TIMELESS: variants seen among roughly 807,000 people sequenced by gnomAD.
TIMELESS encodes timeless circadian regulator.
A neutral mutation model predicts 164.3 loss-of-function variants in TIMELESS; 124 were observed. The observed-to-expected ratio is 0.75, with a 90% CI of 0.65 to 0.88. TIMELESS has a LOEUF of 0.88. Among genes scored for constraint, TIMELESS ranks in the 40% least tolerant of loss-of-function variants. TIMELESS has a pLI of 0.00. For synonymous variants in TIMELESS, 564 were observed against 563.4 expected, an observed-to-expected ratio of 1.00 and a Z score of -0.02; for missense variants, 1,422 against 1,491.4, an observed-to-expected ratio of 0.95 and a Z score of 0.77.
intron 1 of TIMELESS, among the ~76,000 whole-genome samples, chr12:56,444,698 C>T (rs1311460436): frequency 6.6e-6 from 1 of 151,964 alleles, no homozygotes; most frequent in African/African-American, 2.4e-5. Flanking sequence ...AGGCATGTGC[C>T]CCCACACCTG....
chr12:56,420,368 G>C (rs1881425829), intron 26 of TIMELESS, among the ~76,000 whole-genome samples: 1 of 151,994 alleles, frequency 6.6e-6, no homozygotes, highest in Non-Finnish European at 1.5e-5. Context: ...ATGGATCTAG[G>C]GGAAGGGGAG....
At chr12:56,447,351 C>T (rs928636688) in intron 1 of TIMELESS, among the ~76,000 whole-genome samples, 2 of 152,098 alleles carry the variant, frequency 1.3e-5, no homozygotes, top group African/African-American at 4.8e-5. Context: ...TGCACGAAAA[C>T]GTAAACTCTT....
intron 1 of TIMELESS, among the ~76,000 whole-genome samples, chr12:56,434,766 C>A (rs952927368): frequency 1.3e-5 from 2 of 151,168 alleles, no homozygotes; most frequent in African/African-American, 4.8e-5. Context: ...AATTGTTAGA[C>A]CCTGGCTGGG....
chr12:56,437,092 G>T (rs1039438757), intron 1 of TIMELESS, among the ~76,000 whole-genome samples: 1 of 152,044 alleles, frequency 6.6e-6, no homozygotes, highest in Non-Finnish European at 1.5e-5. Flanking sequence ...ACCATACCAG[G>T]CTAACTTTGT....
intron 1 of TIMELESS, among the ~76,000 whole-genome samples, chr12:56,438,921 T>C (rs11829345): frequency 0.033 from 5,022 of 151,918 alleles, 274 homozygotes; most frequent in African/African-American, 0.11. Flanking sequence ...CCCAGCACTT[T>C]TGGAGGCCAA....
rs113128353 is a variant in TIMELESS, at chr12:56,425,114, G to C, written c.1617C>G (p.Val539=). 1 of 1,614,018 alleles carries C rather than the reference G, an allele frequency of 6.2e-7. No homozygotes were observed. The highest frequency in any genetic ancestry group is 2.2e-5 in the East Asian group (1 of 44,884). The change falls in exon 14 of 29, where the codon GTC becomes GTG. Residue 539 remains valine (V), a synonymous_variant. Transcript: ENST00000553532. ...TACCAGAAACAATGGCCTGGTCTAG[G>C]ACCTTCTTCTTCTTCTTCCTTCTCT... The part of the protein sequence containing the change: ...QKKRRKKKKK[V]LDQAIVSGNV...
rs373171864 is a variant in TIMELESS at position 56,423,574 on chromosome 12, C to T, written c.2090+10G>A. 1.1e-5 allele frequency: 17 copies of T among 1,613,904 alleles called. No homozygotes were observed. In the East Asian group the frequency reaches 3.3e-4, roughly 32 times the overall value. On this transcript the variant is annotated intron_variant, in intron 17 of 28. Transcript: ENST00000553532. ...CACTCTAGGACCAACTCAGGCCTCT[C>T]AGCCCGCACCGTTTCAGGTAGTCCA...
At chr12:56,430,834 G>C in intron 9 of TIMELESS, 47 bp downstream of exon 9, 1 of 1,307,410 alleles carries the variant, frequency 7.6e-7, no homozygotes, top group Non-Finnish European at 1.1e-6. Flanking sequence ...CCCTGCTTAA[G>C]CTATGCAACT....
intron 8 of TIMELESS, among the ~76,000 whole-genome samples, chr12:56,431,227 G>A (rs866901511): frequency 5.9e-5 from 9 of 152,042 alleles, no homozygotes; most frequent in Admixed American, 3.3e-4. Context: ...GGTGGCATGC[G>A]CCTGTAGTCC....
rs1427241329 is a variant in TIMELESS, at chr12:56,420,793, A to C, written c.3109+20T>G. On this transcript the variant is annotated intron_variant, in intron 25 of 28. Transcript: ENST00000553532. ...TAGCCTCCAGGGCTCTTCTCCTAAA[A>C]GTGTCACCTGTCCACTCACCATCCT... is the stretch of plus-strand genomic sequence containing the variant. 1.2e-6 allele frequency: 2 copies of C among 1,614,140 alleles called. No homozygotes were observed. The highest frequency in any genetic ancestry group is 3.3e-5 in the Admixed American group (2 of 60,014).
Position 56,428,217 on chromosome 12 carries a change from T to C in TIMELESS, c.1578+19A>G, listed in dbSNP as rs373074453. On this transcript the variant is annotated intron_variant, in intron 13 of 28. Transcript: ENST00000553532. ...ACTCTCCCTTACAGCTCTTTCTACA[T>C]TGTGGGGCTGCCCAGTACCTGCACC... 62 of 1,567,846 alleles carry C rather than the reference T, an allele frequency of 4.0e-5. No homozygotes were observed. The highest frequency in any genetic ancestry group is 4.9e-5 in the Non-Finnish European group (57 of 1,154,704).
intron 1 of TIMELESS, among the ~76,000 whole-genome samples, chr12:56,448,004 G>A (rs957760807): frequency 1.3e-5 from 2 of 152,130 alleles, no homozygotes; most frequent in African/African-American, 4.8e-5. Flanking sequence ...GAGGGTCAGG[G>A]CCAGACTGAG....
In TIMELESS at chr12:56,430,966, T is replaced by C. The variant is rs899606175; in HGVS notation, c.824A>G (p.His275Arg). 6.3e-7 allele frequency: 1 copy of C among 1,576,732 alleles called. No homozygotes were observed. The highest frequency in any genetic ancestry group is 1.7e-4 in the Middle Eastern group (1 of 5,900). Reference protein sequence around the residue: ...KTRALQRGNRHSRFGGSYIVQ... With the variant: ...KTRALQRGNRRSRFGGSYIVQ... ...AATATAGGAGCCCCCAAATCGAGAA[T>C]GCCTGCAGAAACAAAAAGGTCCAAG... Residue 275 changes from histidine (H) to arginine (R), a missense_variant and splice_region_variant, in exon 9 of 29, where the codon CAT becomes CGT. Physicochemically the swap from His to Arg is conservative, Grantham distance 29. Transcript: ENST00000553532.
intron 3 of TIMELESS, 42 bp from the exon 4 acceptor site, chr12:56,433,694 AC>A (rs1204089939): frequency 1.2e-6 from 2 of 1,613,640 alleles, no homozygotes; most frequent in Admixed American, 3.3e-5. Context: ...AAGTTTCTTT[AC>A]CAGCTCAAAC....
At position 56,433,769 on chromosome 12, in the gene TIMELESS, C is replaced by G. The variant is rs1267375471; in HGVS notation, c.251+4G>C. The stretch of plus-strand genomic sequence containing the variant: ...GGCAAAAGTTTAAAAGCTAGGGAGG[C>G]AACCTGATAACAGCATCAAAGAGAG... On this transcript the variant is annotated splice_donor_region_variant and intron_variant, in intron 3 of 28. Coordinates refer to ENST00000553532, the MANE Select transcript of TIMELESS (RefSeq NM_003920.5). The G allele has an allele frequency of 6.2e-7, 1 of 1,613,992 alleles. No individual in the cohort carries two copies. The highest frequency in any genetic ancestry group is 8.5e-7 in the Non-Finnish European group (1 of 1,179,988).
intron 15 of TIMELESS, among the ~76,000 whole-genome samples, chr12:56,424,385 T>C (rs972465084): frequency 7.2e-5 from 11 of 152,228 alleles, no homozygotes; most frequent in African/African-American, 2.7e-4. Flanking sequence ...AAGTCCGCCC[T>C]TAATGTCTTC....
intron 1 of TIMELESS, among the ~76,000 whole-genome samples, chr12:56,444,395 C>T (rs1302932424): frequency 6.6e-6 from 1 of 152,098 alleles, no homozygotes; most frequent in Non-Finnish European, 1.5e-5. Flanking sequence ...TAAAAACATA[C>T]ATATTTCAAA....
intron 15 of TIMELESS, 35 bp from the exon 16 acceptor site, chr12:56,423,929 G>A: frequency 1.3e-6 from 2 of 1,570,606 alleles, no homozygotes; most frequent in African/African-American, 2.7e-5. Context: ...TTTACCCAGG[G>A]GAAATCTGGC....
chr12:56,417,524 G>A lies in TIMELESS; in HGVS notation c.*192C>T, dbSNP rs997525343. 3 of 583,972 alleles carry A rather than the reference G, an allele frequency of 5.1e-6. No individual in the cohort carries two copies. The highest frequency in any genetic ancestry group is 3.7e-5 in the African/African-American group (2 of 53,620). The allele number at this position is 583,972 out of a possible 1,614,324, so 36.2% of individuals were successfully genotyped here. On this transcript the variant is annotated 3_prime_UTR_variant, in exon 29 of 29. Transcript: ENST00000553532. The stretch of plus-strand genomic sequence containing the variant: ...TGGGGCATACCGATAAAAACTGGGA[G>A]AAACAAAGACTGACAGCAGAGAAGT...
Sources: gnomAD v4.1 joint callset for allele counts (sites outside exome capture counted in the v4.1 genomes callset) on GRCh38, gnomAD v4.1.1 for gene constraint, MANE v1.5 for transcripts, NCBI Gene and HGNC (gene_info 2026-07-23, HGNC 2026-07-21) for gene names.